Variants in MCC observed in about 807,000 individuals in gnomAD.
The protein encoded by MCC is colorectal mutant cancer protein.
MCC carries 90 observed loss-of-function variants against 116.2 expected under a neutral mutation model. The ratio of observed to expected loss-of-function variants is 0.77; its 90% CI spans 0.65 to 0.92. The LOEUF is 0.92. Among genes scored for constraint, MCC ranks in the 40% least tolerant of loss-of-function variants. The pLI, the probability that MCC is intolerant of heterozygous loss-of-function variation, is 0.00. For missense variants in MCC, 1,516 were observed against 1,312.2 expected (o/e 1.16, Z -2.40); for synonymous variants, 578 against 510.5 (o/e 1.13, Z -1.78).
chr5:113,136,160 G>T (rs1758812302), intron 5 of MCC, among the ~76,000 whole-genome samples: 1 of 152,192 alleles, frequency 6.6e-6, no homozygotes, highest in South Asian at 2.1e-4. Flanking sequence ...CTGATTACAG[G>T]CTATAGCTGG....
chr5:113,139,310 C>A (rs772933062), intron 5 of MCC, among the ~76,000 whole-genome samples: 20 of 152,036 alleles, frequency 1.3e-4, no homozygotes, highest in Non-Finnish European at 2.6e-4. Context: ...CTTTGTTGAG[C>A]CTAGTTTTCA....
intron 15 of MCC, among the ~76,000 whole-genome samples, chr5:113,049,722 C>T (rs1306247041): frequency 6.6e-6 from 1 of 152,202 alleles, no homozygotes; most frequent in Non-Finnish European, 1.5e-5. Flanking sequence ...CTGGCCAAGC[C>T]CCTTCCAATT....
intron 3 of MCC, among the ~76,000 whole-genome samples, chr5:113,231,405 G>T (rs557344372): frequency 4.5e-4 from 69 of 152,248 alleles, no homozygotes; most frequent in African/African-American, 1.5e-3. Flanking sequence ...ACAAAGTGGT[G>T]TCCTTTTGTT....
chr5:113,379,172 C>T (rs1769052978), intron 2 of MCC, among the ~76,000 whole-genome samples: 2 of 152,180 alleles, frequency 1.3e-5, no homozygotes, highest in African/African-American at 4.8e-5. Context: ...TCAGTTTGCA[C>T]TTTGCTCATC....
intron 3 of MCC, among the ~76,000 whole-genome samples, chr5:113,281,465 G>C (rs966461706): frequency 5.3e-5 from 8 of 152,162 alleles, no homozygotes; most frequent in Non-Finnish European, 1.2e-4. Flanking sequence ...TCTGGACACA[G>C]GCAGTGACCA....
At chr5:113,043,735 T>A (rs1016315444) in intron 16 of MCC, 105 bp from the exon 17 acceptor site, 1 of 760,096 alleles carries the variant, frequency 1.3e-6, no homozygotes, top group African/African-American at 1.7e-5. Context: ...ATGGCAGCAG[T>A]GTGGGCACCG....
At chr5:113,236,840 C>T (rs933578615) in intron 3 of MCC, among the ~76,000 whole-genome samples, 2 of 152,156 alleles carry the variant, frequency 1.3e-5, no homozygotes, top group Admixed American at 1.3e-4. Context: ...GGTGGCTACA[C>T]TTGGTGGGTG....
intron 3 of MCC, among the ~76,000 whole-genome samples, chr5:113,270,314 T>A (rs188313834): frequency 6.6e-6 from 1 of 152,144 alleles, no homozygotes; most frequent in African/African-American, 2.4e-5. Flanking sequence ...ACATGGGCTA[T>A]ATTCACTAAA....
At chr5:113,202,885 C>T (rs1393691236) in intron 3 of MCC, among the ~76,000 whole-genome samples, 2 of 151,806 alleles carry the variant, frequency 1.3e-5, no homozygotes, top group Non-Finnish European at 2.9e-5. Flanking sequence ...ATATTCTCAA[C>T]CCTGTTTTTC....
intron 3 of MCC, among the ~76,000 whole-genome samples, chr5:113,288,432 GT>G (rs1766346456): frequency 6.6e-6 from 1 of 150,700 alleles, no homozygotes; most frequent in South Asian, 2.1e-4. Context: ...CTTCCTTGCA[GT>G]GAAAAAAAAT....
intron 3 of MCC, among the ~76,000 whole-genome samples, chr5:113,302,253 C>T (rs1030405692): frequency 1.6e-4 from 24 of 151,786 alleles, no homozygotes; most frequent in African/African-American, 5.8e-4. Flanking sequence ...TTACATTAAC[C>T]ACAAAAAAAA....
In MCC at chr5:113,433,804, T is replaced by G. The variant is rs755060361; in HGVS notation, c.171-48592A>C. 3.7e-5 allele frequency: 60 copies of G among 1,613,838 alleles called. No individual in the cohort carries two copies. In the South Asian group the frequency reaches 6.5e-4, roughly 17 times the overall value. ...TCTGTCTCCATAGTCGACGGCTTGC[T>G]GGGGAAACCCAGGATCTCCGACTGC... On this transcript the variant is annotated intron_variant, in intron 1 of 18. Transcript: ENST00000408903.
At chr5:113,069,401 C>T (rs1753866075) in intron 12 of MCC, among the ~76,000 whole-genome samples, 1 of 152,216 alleles carries the variant, frequency 6.6e-6, no homozygotes, top group African/African-American at 2.4e-5. Flanking sequence ...CCCACGTGGC[C>T]CACGTCCACA....
chr5:113,125,663 T>C (rs1402451477), intron 5 of MCC, among the ~76,000 whole-genome samples: 1 of 152,160 alleles, frequency 6.6e-6, no homozygotes, highest in Non-Finnish European at 1.5e-5. Flanking sequence ...ATCAGGAGTA[T>C]TGTTCCATCA....
chr5:113,352,928 AT>A (rs1329045679), intron 2 of MCC, among the ~76,000 whole-genome samples: 3 of 152,192 alleles, frequency 2.0e-5, no homozygotes, highest in Non-Finnish European at 4.4e-5. Context: ...TAATTTTAAT[AT>A]GATTTGGGTT....
At chr5:113,285,424 ATCCAGATACTCT>A (rs2150358818) in intron 3 of MCC, among the ~76,000 whole-genome samples, 1 of 146,330 alleles carries the variant, frequency 6.8e-6, no homozygotes, top group South Asian at 2.1e-4. Context: ...CTCCAGGGAG[ATCCAGATACTCT>A]TCCAGGGCTT....
intron 3 of MCC, among the ~76,000 whole-genome samples, chr5:113,174,069 G>C (rs1761203918): frequency 1.3e-5 from 2 of 152,198 alleles, no homozygotes; most frequent in Non-Finnish European, 2.9e-5. Flanking sequence ...CTACAGAAAT[G>C]TGTCTAGAAT....
chr5:113,052,866 C>G (rs542675969), intron 15 of MCC, among the ~76,000 whole-genome samples: 13 of 152,302 alleles, frequency 8.5e-5, no homozygotes, highest in Admixed American at 8.5e-4. Flanking sequence ...CATTCTGAAG[C>G]TGTCTAGGGC....
At chr5:113,287,452 G>A (rs112011496) in intron 3 of MCC, among the ~76,000 whole-genome samples, 3,151 of 152,020 alleles carry the variant, frequency 0.021, 35 homozygotes, top group Middle Eastern at 0.027. Context: ...TCAGCCTCCC[G>A]AGTAGCTGGG....
Sources: gnomAD v4.1 joint callset for allele counts (sites outside exome capture counted in the v4.1 genomes callset) on GRCh38, gnomAD v4.1.1 for gene constraint, MANE v1.5 for transcripts, NCBI Gene and HGNC (gene_info 2026-07-23, HGNC 2026-07-21) for gene names.